The following BMPER variants were observed in gnomAD, a reference collection of about 807,000 sequenced individuals.
The protein encoded by BMPER is BMP binding endothelial regulator.
BMPER carries 45 observed loss-of-function variants against 87.3 expected under a neutral mutation model. The observed-to-expected ratio is 0.52, with a 90% CI of 0.41 to 0.66. The LOEUF is 0.66. Among genes scored for constraint, BMPER ranks in the 30% least tolerant of loss-of-function variants. The pLI is 0.00. For missense variants in BMPER, 784 were observed against 867.5 expected (o/e 0.90, Z 1.21); for synonymous variants, 326 against 316.2 (o/e 1.03, Z -0.33).
chr7:34,152,839 A>G (rs112608285), intron 14 of BMPER, among the ~76,000 whole-genome samples: 13 of 152,302 alleles, frequency 8.5e-5, no homozygotes, highest in African/African-American at 3.1e-4. Flanking sequence ...TTACACATTT[A>G]TAGTTTATCT....
At chr7:34,051,101 GTCT>G (rs2127960088) in intron 7 of BMPER, among the ~76,000 whole-genome samples, 1 of 152,266 alleles carries the variant, frequency 6.6e-6, no homozygotes, top group Admixed American at 6.5e-5. Flanking sequence ...CATAGTTGGT[GTCT>G]TCTTACTTTG....
At chr7:33,906,119 C>G (rs1182509850) in intron 1 of BMPER, among the ~76,000 whole-genome samples, 4 of 152,182 alleles carry the variant, frequency 2.6e-5, no homozygotes, top group Non-Finnish European at 5.9e-5. Context: ...TGCAATACAT[C>G]CACTGTGCTA....
chr7:34,016,465 CT>C (rs1787029671), intron 6 of BMPER, among the ~76,000 whole-genome samples: 1 of 151,986 alleles, frequency 6.6e-6, no homozygotes, highest in East Asian at 1.9e-4. Flanking sequence ...TTTCCCTTCT[CT>C]TTTAAAATTA....
chr7:34,014,401 A>G (rs1312358509), intron 6 of BMPER, among the ~76,000 whole-genome samples: 1 of 151,950 alleles, frequency 6.6e-6, no homozygotes, highest in Non-Finnish European at 1.5e-5. Flanking sequence ...TACTAGAGCA[A>G]AGAGAGGAGA....
rs145650063 is a variant in BMPER at position 34,096,663 on chromosome 7, G to C, written c.1745+10571G>C. On this transcript the variant is annotated intron_variant, in intron 13 of 14. Coordinates refer to ENST00000649409, the MANE Select transcript of BMPER (RefSeq NM_001365308.1). ...GACACTTGCACACAGAGATGGAGCA[G>C]TTGTGTAGCCGAGACCAGATATTCA... Among the ~76,000 whole-genome samples the C allele has an allele frequency of 3.9e-3, 594 of 152,136 alleles. 5 individuals carry two copies. Among genetic ancestry groups the C allele is most frequent in the African/African-American group, 0.013 (555 of 41,514 alleles).
intron 13 of BMPER, among the ~76,000 whole-genome samples, chr7:34,091,010 G>A (rs1404992420): frequency 1.3e-5 from 2 of 152,204 alleles, no homozygotes; most frequent in Non-Finnish European, 2.9e-5. Flanking sequence ...ATTCACAGAT[G>A]TGTCCTTTCC....
intron 7 of BMPER, 93 bp downstream of exon 7, chr7:34,046,498 A>C (rs1787972931): frequency 1.3e-5 from 18 of 1,333,538 alleles, no homozygotes; most frequent in Admixed American, 1.7e-5. Flanking sequence ...TGAGATTCTC[A>C]AGTTGTCCTA....
intron 13 of BMPER, among the ~76,000 whole-genome samples, chr7:34,110,267 G>A (rs1329330291): frequency 6.6e-6 from 1 of 152,204 alleles, no homozygotes; most frequent in African/African-American, 2.4e-5. Context: ...TCCCAAGCCA[G>A]CATGTTCCAA....
At chr7:34,067,104 C>T (rs1430658923) in intron 11 of BMPER, 3 of 152,218 alleles carry the variant, frequency 2.0e-5, no homozygotes, top group South Asian at 4.1e-4. Flanking sequence ...ATAACCTCAA[C>T]TACATGTCCC....
intron 6 of BMPER, among the ~76,000 whole-genome samples, chr7:34,025,053 A>G (rs913730055): frequency 1.4e-4 from 21 of 152,090 alleles, no homozygotes; most frequent in Non-Finnish European, 8.8e-5. Flanking sequence ...CAGGTGTTCT[A>G]TTTTAATGAA....
Position 34,153,135 on chromosome 7 carries a change from G to A in BMPER, c.1920G>A (p.Pro640=), listed in dbSNP as rs138208962. The change falls in exon 15 of 15, where the codon CCG becomes CCA. Residue 640 remains proline (P), a synonymous_variant. Coordinates refer to ENST00000649409, the MANE Select transcript of BMPER (RefSeq NM_001365308.1). ...KHGAVYDTCG[P]GCIKTCDNWN... ...GTGCTGTGTACGATACCTGTGGTCC[G>A]GGATGTATCAAGACGTGTGACAACT... The A allele has an allele frequency of 2.7e-4, 437 of 1,613,920 alleles. 1 individual carries two copies. The African/African-American group carries it at 4.7e-3, about 17-fold the overall frequency.
intron 11 of BMPER, among the ~76,000 whole-genome samples, chr7:34,076,969 G>T (rs1788881164): frequency 6.6e-6 from 1 of 152,138 alleles, no homozygotes; most frequent in African/African-American, 2.4e-5. Flanking sequence ...TGAGAAGGTG[G>T]AGTTAAGGAC....
intron 11 of BMPER, among the ~76,000 whole-genome samples, chr7:34,069,412 A>G (rs1562723167): frequency 2.0e-5 from 3 of 152,262 alleles, no homozygotes; most frequent in African/African-American, 4.8e-5. Flanking sequence ...AATTGCTCCT[A>G]TAACTAACAG....
intron 6 of BMPER, among the ~76,000 whole-genome samples, chr7:33,976,425 T>A (rs1430634778): frequency 6.6e-6 from 1 of 151,350 alleles, no homozygotes; most frequent in Non-Finnish European, 1.5e-5. Flanking sequence ...AGTGCTGGGA[T>A]TACAGGTGTG....
At chr7:34,136,495 T>A (rs1056350537) in intron 13 of BMPER, among the ~76,000 whole-genome samples, 1 of 152,192 alleles carries the variant, frequency 6.6e-6, no homozygotes, top group Admixed American at 6.5e-5. Context: ...GTGAGTTTTT[T>A]AATAGGCTTA....
rs748870934 is a variant in BMPER, at chr7:34,154,095, A to G, written c.*822A>G. ...ATTTGAAGAAACTGTTGCACAACAT[A>G]TGATGAAATTTTGATTTCTCTGAAT... On this transcript the variant is annotated 3_prime_UTR_variant, in exon 15 of 15. Transcript: ENST00000649409. The G allele has an allele frequency of 2.0e-5, 3 of 152,646 alleles. No individual in the cohort carries two copies. The highest frequency in any genetic ancestry group is 2.9e-5 in the Non-Finnish European group (2 of 68,042). The allele number at this position is 152,646 out of a possible 1,614,324, so 9.5% of individuals were successfully genotyped here.
At chr7:33,926,182 G>A (rs1784355948) in intron 2 of BMPER, among the ~76,000 whole-genome samples, 1 of 152,122 alleles carries the variant, frequency 6.6e-6, no homozygotes, top group African/African-American at 2.4e-5. Flanking sequence ...TGCCATAGGG[G>A]CTCAAAAATA....
chr7:34,069,995 C>T (rs896992565), intron 11 of BMPER, among the ~76,000 whole-genome samples: 3 of 152,152 alleles, frequency 2.0e-5, no homozygotes, highest in African/African-American at 7.2e-5. Flanking sequence ...CCATATCCTT[C>T]TTTAGTGCAA....
At chr7:34,055,933 G>A (rs1463197856) in intron 9 of BMPER, among the ~76,000 whole-genome samples, 2 of 152,206 alleles carry the variant, frequency 1.3e-5, no homozygotes, top group African/African-American at 2.4e-5. Context: ...TTTGTCCAAA[G>A]TACCTCCTAT....
Sources: allele counts gnomAD v4.1 joint callset (sites outside exome capture counted in the v4.1 genomes callset), GRCh38; gene constraint gnomAD v4.1.1; transcripts MANE v1.5; gene names NCBI Gene and HGNC (gene_info 2026-07-23, HGNC 2026-07-21).